Variants in STK3 observed in about 807,000 individuals in gnomAD.
STK3 encodes serine/threonine-protein kinase 3.
A neutral mutation model predicts 58.0 loss-of-function variants in STK3; 41 were observed. The observed-to-expected ratio is 0.71, with a 90% confidence interval of 0.55 to 0.92. The LOEUF is 0.92. Among genes scored for constraint, STK3 ranks in the 40% least tolerant of loss-of-function variants. The probability of loss-of-function intolerance (pLI) is 0.00; values close to 1 mark genes in which losing one functional copy is unlikely to be tolerated. For synonymous variants in STK3, 170 were observed against 191.0 expected (o/e 0.89, Z 0.91); for missense variants, 479 against 602.7 (o/e 0.79, Z 2.15).
intron 4 of STK3, among the ~76,000 whole-genome samples, chr8:98,712,611 C>A (rs1826578297): frequency 6.6e-6 from 1 of 151,944 alleles, no homozygotes; most frequent in African/African-American, 2.4e-5. Context: ...GCACCCAATA[C>A]AGGAGCACCC....
intron 3 of STK3, among the ~76,000 whole-genome samples, chr8:98,850,040 T>C (rs533647705): frequency 1.1e-4 from 17 of 152,348 alleles, no homozygotes; most frequent in Admixed American, 5.2e-4. Context: ...GGGTTTCCTA[T>C]GAAATGTTTC....
At chr8:98,562,151 C>G (rs1812090843) in intron 8 of STK3, among the ~76,000 whole-genome samples, 1 of 152,096 alleles carries the variant, frequency 6.6e-6, no homozygotes, top group Non-Finnish European at 1.5e-5. Context: ...CAACTATGAT[C>G]CTAGATACTT....
chr8:98,458,463 G>A (rs1209383183), intron 10 of STK3, among the ~76,000 whole-genome samples: 1 of 152,072 alleles, frequency 6.6e-6, no homozygotes, highest in Non-Finnish European at 1.5e-5. Context: ...TACAGCTATT[G>A]TAAAAGGGGT....
At chr8:98,743,855 C>A (rs974020097) in intron 4 of STK3, among the ~76,000 whole-genome samples, 1 of 152,034 alleles carries the variant, frequency 6.6e-6, no homozygotes, top group Non-Finnish European at 1.5e-5. Context: ...GGGCTAATAT[C>A]CAGAATCTAC....
At chr8:98,570,590 C>T (rs1014440677) in intron 8 of STK3, among the ~76,000 whole-genome samples, 1 of 151,860 alleles carries the variant, frequency 6.6e-6, no homozygotes, top group Non-Finnish European at 1.5e-5. Flanking sequence ...ATTTTGGTGG[C>T]CACAAGGTAG....
chr8:98,558,383 T>C (rs1811759629), intron 8 of STK3, among the ~76,000 whole-genome samples: 1 of 152,138 alleles, frequency 6.6e-6, no homozygotes, highest in Non-Finnish European at 1.5e-5. Flanking sequence ...TTAAAAATAC[T>C]GTAACCACTG....
intron 1 of STK3, among the ~76,000 whole-genome samples, chr8:98,922,978 T>C (rs1366832843): frequency 6.6e-6 from 1 of 152,240 alleles, no homozygotes; most frequent in Non-Finnish European, 1.5e-5. Flanking sequence ...TAAAATTGGT[T>C]CCGCTGAGGA....
At chr8:98,901,695 G>A (rs1328147736) in intron 1 of STK3, among the ~76,000 whole-genome samples, 3 of 152,212 alleles carry the variant, frequency 2.0e-5, no homozygotes, top group Non-Finnish European at 1.5e-5. Context: ...GGCTCCCTTG[G>A]GATGACCGAA....
intron 7 of STK3, among the ~76,000 whole-genome samples, chr8:98,587,438 T>G (rs1814743042): frequency 6.6e-6 from 1 of 152,130 alleles, no homozygotes; most frequent in South Asian, 2.1e-4. Flanking sequence ...TGAGTTCTAG[T>G]TTGATTGCAT....
At chr8:98,700,171 A>T (rs577726281) in intron 6 of STK3, among the ~76,000 whole-genome samples, 4 of 152,128 alleles carry the variant, frequency 2.6e-5, no homozygotes, top group African/African-American at 9.7e-5. Flanking sequence ...CTCTGATCCA[A>T]GTGCGGGATA....
chr8:98,915,432 CTA>C lies in STK3; in HGVS notation c.-79+26944_-79+26945del, dbSNP rs56187203. Among the ~76,000 whole-genome samples, 256 of 94,712 alleles carry C rather than the reference CTA, an allele frequency of 2.7e-3. 3 individuals are homozygous for C. Among genetic ancestry groups the C allele is most frequent in the African/African-American group, 0.01 (180 of 17,858 alleles). The allele number at this position is 94,712 out of a possible 152,430, so 62.1% of individuals were successfully genotyped here. On this transcript the variant is annotated intron_variant, in intron 1 of 1. Transcript: ENST00000519420. ...GTGAGTTAATACTTAATAAACTTTC[CTA>C]TATATATATATATATATATATATAT...
rs112122883 is a variant in STK3, at chr8:98,537,921, C to T, written c.1141+10048G>A. Reference sequence around the variant, plus strand: ...GAGAAATATAATACCGTAGAAAATACGTCAGTCCACCCACAATTATTCATT... The same window carrying T: ...GAGAAATATAATACCGTAGAAAATATGTCAGTCCACCCACAATTATTCATT... On this transcript the variant is annotated intron_variant, in intron 9 of 10. Transcript: ENST00000419617. 7.6e-3 allele frequency among the ~76,000 whole-genome samples: 1,158 copies of T among 152,182 alleles called. 10 individuals carry two copies. The highest frequency in any genetic ancestry group is 0.026 in the African/African-American group (1,067 of 41,544).
intron 8 of STK3, among the ~76,000 whole-genome samples, chr8:98,565,977 A>T (rs1382834318): frequency 6.6e-6 from 1 of 152,196 alleles, no homozygotes; most frequent in Non-Finnish European, 1.5e-5. Flanking sequence ...ACAACACTTA[A>T]ACTAACACAA....
chr8:98,708,941 A>G (rs560624678), intron 4 of STK3, among the ~76,000 whole-genome samples: 1 of 151,708 alleles, frequency 6.6e-6, no homozygotes, highest in East Asian at 2.0e-4. Context: ...TCAGGATGGG[A>G]GCTGGTTGCC....
In STK3 at chr8:98,548,178, GC is replaced by G; in HGVS notation, c.949-18del. On this transcript the variant is annotated intron_variant, in intron 8 of 10. Transcript: ENST00000419617. ...ATCTTCATCCTGCAAGCAAAATACT[GC>G]AATGAGGGAAGACTTTTCTATGACA... The G allele has an allele frequency of 6.7e-7, 1 of 1,482,278 alleles. No homozygotes were observed. Among genetic ancestry groups the G allele is most frequent in the East Asian group, 2.5e-5 (1 of 39,890 alleles). The allele number at this position is 1,482,278 out of a possible 1,614,324, so 91.8% of individuals were successfully genotyped here.
chr8:98,633,879 A>G, intron 6 of STK3: 1 of 360,798 alleles, frequency 2.8e-6, no homozygotes, highest in South Asian at 3.9e-5. Flanking sequence ...CTGAAGAAAT[A>G]AAGTAAAATT....
intron 4 of STK3, among the ~76,000 whole-genome samples, chr8:98,720,456 T>G (rs1488393746): frequency 6.6e-6 from 1 of 151,940 alleles, no homozygotes; most frequent in East Asian, 1.9e-4. Context: ...TAGTCTAATA[T>G]AAGAAAAACT....
chr8:98,408,803 G>A (rs978315917), intron 3 of STK3, among the ~76,000 whole-genome samples: 1 of 152,144 alleles, frequency 6.6e-6, no homozygotes, highest in Non-Finnish European at 1.5e-5. Flanking sequence ...GCATAGCCAG[G>A]GCTTGGGAAT....
intron 1 of STK3, among the ~76,000 whole-genome samples, chr8:98,788,869 AC>A (rs949869396): frequency 6.6e-6 from 1 of 152,238 alleles, no homozygotes; most frequent in African/African-American, 2.4e-5. Flanking sequence ...CAGAAAGTCA[AC>A]AAAGAAACAA....
Sources: gnomAD v4.1 joint callset for allele counts (sites outside exome capture counted in the v4.1 genomes callset) on GRCh38, gnomAD v4.1.1 for gene constraint, MANE v1.5 for transcripts, NCBI Gene and HGNC (gene_info 2026-07-23, HGNC 2026-07-21) for gene names.